AGBL4: variants seen among roughly 807,000 people sequenced by gnomAD.
AGBL4 encodes cytosolic carboxypeptidase 6.
A neutral mutation model predicts 66.4 loss-of-function variants in AGBL4; 58 were observed. The observed-to-expected ratio is 0.87, with a 90% CI of 0.71 to 1.09. AGBL4 has a LOEUF of 1.09. Ranked by LOEUF, AGBL4 falls within the 50% of genes least tolerant of loss-of-function variation. The pLI is 0.00. For synonymous variants in AGBL4, 234 were observed against 222.9 expected (o/e 1.05, Z -0.44); for missense variants, 579 against 631.0 (o/e 0.92, Z 0.88).
intron 3 of AGBL4, among the ~76,000 whole-genome samples, chr1:49,536,196 GAA>G (rs538933227): frequency 4.5e-4 from 69 of 152,222 alleles, no homozygotes; most frequent in African/African-American, 1.2e-3. Flanking sequence ...AAATAACAAA[GAA>G]AAAGAACAAT....
intron 4 of AGBL4, among the ~76,000 whole-genome samples, chr1:49,120,013 T>C (rs1262170601): frequency 6.6e-6 from 1 of 152,212 alleles, no homozygotes; most frequent in Non-Finnish European, 1.5e-5. Context: ...CCTGCTTTTT[T>C]TTGCTTTCCA....
intron 8 of AGBL4, among the ~76,000 whole-genome samples, chr1:48,647,070 AGTT>A (rs1645849357): frequency 6.6e-6 from 1 of 152,196 alleles, no homozygotes; most frequent in Admixed American, 6.5e-5. Context: ...AACAAACCTT[AGTT>A]ATACTGGATT....
At chr1:49,129,201 T>G (rs970441708) in intron 4 of AGBL4, among the ~76,000 whole-genome samples, 2 of 152,110 alleles carry the variant, frequency 1.3e-5, no homozygotes, top group Non-Finnish European at 1.5e-5. Context: ...TATTGACAAT[T>G]ACAAGCATTG....
intron 2 of AGBL4, among the ~76,000 whole-genome samples, chr1:49,823,233 T>C (rs1269512104): frequency 1.3e-5 from 2 of 152,226 alleles, no homozygotes; most frequent in East Asian, 3.8e-4. Flanking sequence ...CTATGGTTAC[T>C]TAAAGTTGGA....
At chr1:49,501,777 T>A (rs553063602) in intron 3 of AGBL4, among the ~76,000 whole-genome samples, 1 of 152,204 alleles carries the variant, frequency 6.6e-6, no homozygotes, top group South Asian at 2.1e-4. Flanking sequence ...CTGCTTTTGC[T>A]ACATTCCCAT....
intron 2 of AGBL4, among the ~76,000 whole-genome samples, chr1:49,753,398 C>A (rs1651631850): frequency 6.6e-6 from 1 of 152,118 alleles, no homozygotes; most frequent in African/African-American, 2.4e-5. Flanking sequence ...ATATTGGACC[C>A]CACTCTTTTC....
intron 6 of AGBL4, among the ~76,000 whole-genome samples, chr1:48,663,684 T>C (rs2148457239): frequency 6.6e-6 from 1 of 152,342 alleles, no homozygotes; most frequent in Non-Finnish European, 1.5e-5. Context: ...CATTGCATAG[T>C]ACACAGTAAA....
intron 5 of AGBL4, among the ~76,000 whole-genome samples, chr1:49,042,294 A>G (rs891950239): frequency 5.3e-5 from 8 of 152,104 alleles, no homozygotes; most frequent in African/African-American, 1.9e-4. Context: ...TTATAGGTGA[A>G]AAAAATTATC....
chr1:49,598,288 G>A (rs1347070965), intron 3 of AGBL4, among the ~76,000 whole-genome samples: 13 of 152,186 alleles, frequency 8.5e-5, no homozygotes, highest in South Asian at 2.1e-4. Context: ...GAGGAGATGC[G>A]CTCTGCTTTT....
chr1:49,984,334 A>C (rs1311839714), intron 1 of AGBL4, among the ~76,000 whole-genome samples: 2 of 152,234 alleles, frequency 1.3e-5, no homozygotes, highest in Non-Finnish European at 2.9e-5. Context: ...TGGGCAGTTT[A>C]CAGAGACTGC....
chr1:49,380,558 CA>C (rs1644579672), intron 3 of AGBL4, among the ~76,000 whole-genome samples: 2 of 152,158 alleles, frequency 1.3e-5, no homozygotes, highest in South Asian at 4.1e-4. Flanking sequence ...GCCAAAAGAA[CA>C]AAGCTGGAGG....
chr1:48,608,942 C>G (rs1457675434), intron 9 of AGBL4, among the ~76,000 whole-genome samples: 1 of 152,122 alleles, frequency 6.6e-6, no homozygotes, highest in Admixed American at 6.5e-5. Context: ...TAATCCCAAA[C>G]CTAACCTTTT....
intron 6 of AGBL4, among the ~76,000 whole-genome samples, chr1:48,779,704 CTTTTTTTTTTTTT>C (rs200375125): frequency 7.3e-6 from 1 of 137,182 alleles, no homozygotes; most frequent in Non-Finnish European, 1.6e-5. Flanking sequence ...CTGTTCCTCT[CTTTTTTTTTTTTT>C]TTTTTTTTTT....
At chr1:48,572,179 GC>G (rs1229810334) in intron 11 of AGBL4, among the ~76,000 whole-genome samples, 2 of 152,036 alleles carry the variant, frequency 1.3e-5, no homozygotes, top group East Asian at 3.9e-4. Flanking sequence ...CCGAGCCCCT[GC>G]CCAGGTCAGA....
At chr1:48,638,511 G>A (rs1185697602) in intron 8 of AGBL4, among the ~76,000 whole-genome samples, 3 of 152,246 alleles carry the variant, frequency 2.0e-5, no homozygotes, top group Non-Finnish European at 2.9e-5. Context: ...ACTATAGCCA[G>A]TGATGGCAGT....
At chr1:49,141,683 G>A (rs923496953) in intron 4 of AGBL4, among the ~76,000 whole-genome samples, 2 of 152,134 alleles carry the variant, frequency 1.3e-5, no homozygotes, top group African/African-American at 4.8e-5. Flanking sequence ...GGAGAGACAG[G>A]CAGAGATCAA....
intron 4 of AGBL4, among the ~76,000 whole-genome samples, chr1:49,066,468 C>T (rs1313697197): frequency 6.6e-6 from 1 of 152,162 alleles, no homozygotes; most frequent in Non-Finnish European, 1.5e-5. Flanking sequence ...AGGGAAATTG[C>T]TTGAACCTGG....
At chr1:49,448,876 C>T (rs570961403) in intron 3 of AGBL4, among the ~76,000 whole-genome samples, 35 of 151,898 alleles carry the variant, frequency 2.3e-4, no homozygotes, top group African/African-American at 8.2e-4. Context: ...GACTTAAATT[C>T]GGGTAATTTT....
At chr1:48,856,312 G>A (rs1163079334) in intron 6 of AGBL4, among the ~76,000 whole-genome samples, 1 of 152,176 alleles carries the variant, frequency 6.6e-6, no homozygotes, top group Admixed American at 6.5e-5. Context: ...TACTGTGATT[G>A]CAATTATGTA....
Sources: gnomAD v4.1 joint callset for allele counts (sites outside exome capture counted in the v4.1 genomes callset) on GRCh38, gnomAD v4.1.1 for gene constraint, MANE v1.5 for transcripts, NCBI Gene and HGNC (gene_info 2026-07-23, HGNC 2026-07-21) for gene names.